ARHGEF38: variants seen among roughly 807,000 people sequenced by gnomAD.
The protein encoded by ARHGEF38 is Rho guanine nucleotide exchange factor 38.
Under a neutral mutation model 79.9 loss-of-function variants are expected in ARHGEF38, and 79 were observed. That is an observed-to-expected ratio of 0.99 (90% confidence interval 0.82 to 1.19). The LOEUF is 1.19. ARHGEF38 is among the 50% of genes most tolerant of loss of function. The pLI is 0.00. For synonymous variants in ARHGEF38, 366 were observed against 328.3 expected (o/e 1.11, Z -1.24); for missense variants, 962 against 907.2 (o/e 1.06, Z -0.78).
chr4:105,668,037 C>T (rs1483139689), intron 13 of ARHGEF38, among the ~76,000 whole-genome samples: 2 of 151,992 alleles, frequency 1.3e-5, no homozygotes, highest in African/African-American at 4.8e-5. Context: ...AAAAGTAGTT[C>T]AATACTGAAC....
downstream of ARHGEF38, chr4:105,680,932 G>T (rs1414449388): frequency 1.3e-5 from 2 of 152,148 alleles, no homozygotes; most frequent in African/African-American, 4.8e-5. Context: ...TAGGTATGGA[G>T]GTTACATTAA....
At chr4:105,666,803 T>C (rs978034923) in intron 11 of ARHGEF38, among the ~76,000 whole-genome samples, 4 of 152,180 alleles carry the variant, frequency 2.6e-5, no homozygotes, top group Non-Finnish European at 5.9e-5. Context: ...GCTGAATACT[T>C]AATATGCAAC....
intron 1 of ARHGEF38, among the ~76,000 whole-genome samples, chr4:105,560,329 C>T (rs1156621956): frequency 5.9e-5 from 9 of 152,122 alleles, no homozygotes; most frequent in Non-Finnish European, 1.0e-4. Flanking sequence ...TGCTTCATTG[C>T]GTATCTTGAC....
At chr4:105,631,650 A>G (rs1729198575) in intron 4 of ARHGEF38, 16 of 984,498 alleles carry the variant, frequency 1.6e-5, no homozygotes, top group Non-Finnish European at 1.9e-5. Flanking sequence ...ATAACAAAGT[A>G]TGTGTAAGAT....
chr4:105,613,048 C>T (rs749987156), intron 2 of ARHGEF38, among the ~76,000 whole-genome samples: 3 of 152,108 alleles, frequency 2.0e-5, no homozygotes, highest in Non-Finnish European at 4.4e-5. Flanking sequence ...AAGCAGTAAA[C>T]TATTCTAAAT....
At chr4:105,567,789 T>G (rs1395218229) in intron 1 of ARHGEF38, among the ~76,000 whole-genome samples, 1 of 152,174 alleles carries the variant, frequency 6.6e-6, no homozygotes, top group Non-Finnish European at 1.5e-5. Flanking sequence ...TTTTTTTCTT[T>G]TATTATTATA....
intron 1 of ARHGEF38, among the ~76,000 whole-genome samples, chr4:105,561,404 A>AGAATGGAATG (rs1560684091): frequency 5.3e-5 from 2 of 37,822 alleles, no homozygotes; most frequent in Non-Finnish European, 1.1e-4. Context: ...GTAGAATAAT[A>AGAATGGAATG]GAATAGAATA....
intron 3 of ARHGEF38, among the ~76,000 whole-genome samples, chr4:105,625,735 G>A (rs539975559): frequency 1.2e-4 from 19 of 152,194 alleles, no homozygotes; most frequent in Admixed American, 2.6e-4. Flanking sequence ...GGGAGGGTGG[G>A]AAATGTCATT....
chr4:105,602,500 G>A (rs1438531268), intron 2 of ARHGEF38, among the ~76,000 whole-genome samples: 1 of 152,060 alleles, frequency 6.6e-6, no homozygotes, highest in African/African-American at 2.4e-5. Context: ...GCAGAAACTG[G>A]GGCCTGATAG....
rs571292554 is a variant in ARHGEF38 at position 105,598,830 on chromosome 4, TGTAA to T, written c.384+9398_384+9401del. Among the ~76,000 whole-genome samples the T allele has an allele frequency of 2.2e-3, 337 of 152,288 alleles. 1 individual carries two copies. The highest frequency in any genetic ancestry group is 5.6e-3 in the African/African-American group (231 of 41,586). ...CTCAATAAAATTTTTCTTGATTTTA[TGTAA>T]GTGTGTTAATAAGGGCAGTTCCTAT... On this transcript the variant is annotated intron_variant, in intron 2 of 13. Coordinates refer to ENST00000420470, the MANE Select transcript of ARHGEF38 (RefSeq NM_001242729.2).
chr4:105,659,240 G>A lies in ARHGEF38; in HGVS notation c.1420G>A (p.Val474Met). The A allele has an allele frequency of 6.5e-7, 1 of 1,536,128 alleles. No individual in the cohort carries two copies. Among genetic ancestry groups the A allele is most frequent in the Non-Finnish European group, 8.7e-7 (1 of 1,146,884 alleles). The stretch of plus-strand genomic sequence containing the variant: ...GTATGAGGCCCTCAACGCCCAGCTT[G>A]TGGAGGAGCTCCAGGCATTCAACCA... Reference protein sequence around the residue: ...KEYEALNAQLVEELQAFNQAA... With the variant: ...KEYEALNAQLMEELQAFNQAA... The change falls in exon 10 of 14, where the codon GTG (valine) becomes ATG (methionine). Residue 474 changes from valine (V) to methionine (M), a missense_variant. By Grantham distance (21) the Val-to-Met change is conservative. Transcript: ENST00000420470.
rs757335838 is a variant in ARHGEF38 at position 105,679,026 on chromosome 4, A to G, written c.*1089A>G. 7 of 385,058 alleles carry G rather than the reference A, an allele frequency of 1.8e-5. No individual in the cohort carries two copies. The highest frequency in any genetic ancestry group is 2.9e-5 in the Non-Finnish European group (7 of 239,868). The allele number at this position is 385,058 out of a possible 1,614,324, so 23.9% of individuals were successfully genotyped here. A position where few individuals can be genotyped will look rare whatever the true frequency, so the allele number is the denominator to read the frequency against. ...ATTAGGTAGAAATAGGCAAGCTCACACTGCTAAATTAACTATCAAATACTC... is the reference window on the plus strand; with the variant it reads ...ATTAGGTAGAAATAGGCAAGCTCACGCTGCTAAATTAACTATCAAATACTC... On this transcript the variant is annotated 3_prime_UTR_variant, in exon 14 of 14. Transcript: ENST00000420470.
intron 2 of ARHGEF38, among the ~76,000 whole-genome samples, chr4:105,596,635 G>A (rs1727592301): frequency 6.6e-6 from 1 of 152,254 alleles, no homozygotes; most frequent in South Asian, 2.1e-4. Context: ...TACTGCTAAA[G>A]TATTCAGTGA....
Position 105,679,588 on chromosome 4 carries a change from G to C in ARHGEF38, c.*1651G>C. 2.2e-6 allele frequency: 2 copies of C among 928,972 alleles called. No homozygotes were observed. The highest frequency in any genetic ancestry group is 3.6e-6 in the Non-Finnish European group (2 of 558,028). The allele number at this position is 928,972 out of a possible 1,614,324, so 57.5% of individuals were successfully genotyped here. ...GCCCCTTTCTCTTCTATCAGTATCT[G>C]AGCTGATGGTTGGAAAAAAATCAAC... On this transcript the variant is annotated 3_prime_UTR_variant, in exon 14 of 14. Transcript: ENST00000420470.
intron 7 of ARHGEF38, among the ~76,000 whole-genome samples, chr4:105,653,813 CA>C (rs1387585498): frequency 1.3e-5 from 2 of 152,144 alleles, no homozygotes; most frequent in Non-Finnish European, 2.9e-5. Flanking sequence ...TCTACTGTGA[CA>C]TGGGTGAAGT....
chr4:105,611,907 G>C (rs1728311196), intron 2 of ARHGEF38, among the ~76,000 whole-genome samples: 2 of 152,200 alleles, frequency 1.3e-5, no homozygotes, highest in South Asian at 4.1e-4. Flanking sequence ...AAATGAGGCT[G>C]TGGGTTATCT....
At chr4:105,664,305 C>G (rs534350698) in intron 10 of ARHGEF38, among the ~76,000 whole-genome samples, 2 of 152,310 alleles carry the variant, frequency 1.3e-5, no homozygotes, top group Non-Finnish European at 2.9e-5. Flanking sequence ...ATTTGTCCTT[C>G]GCTCCCTTTA....
At chr4:105,623,836 C>T (rs1214207251) in intron 3 of ARHGEF38, among the ~76,000 whole-genome samples, 1 of 152,146 alleles carries the variant, frequency 6.6e-6, no homozygotes, top group African/African-American at 2.4e-5. Context: ...CCTCTCCAAA[C>T]ATTGACCCTC....
rs1179177800 is a variant in ARHGEF38 at position 105,666,233 on chromosome 4, C to A, written c.1602C>A (p.Ile534=). The change falls in exon 11 of 14, where the codon ATC becomes ATA. Residue 534 remains isoleucine (I), a synonymous_variant. Transcript: ENST00000420470. Reference sequence around the variant, plus strand: ...TTCAGAATCAAGTACTAGAAGAGATCCAAAATTTGAATTGTGTGAAAGAAA... The same window carrying A: ...TTCAGAATCAAGTACTAGAAGAGATACAAAATTTGAATTGTGTGAAAGAAA... ...SEIQNQVLEE[I]QNLNCVKENS... 1 of 1,535,050 alleles carries A rather than the reference C, an allele frequency of 6.5e-7. No individual in the cohort carries two copies. The highest frequency in any genetic ancestry group is 8.7e-7 in the Non-Finnish European group (1 of 1,146,480).
Sources: allele counts gnomAD v4.1 joint callset (sites outside exome capture counted in the v4.1 genomes callset), GRCh38; gene constraint gnomAD v4.1.1; transcripts MANE v1.5; gene names NCBI Gene and HGNC (gene_info 2026-07-23, HGNC 2026-07-21).